Variants in TNFSF4 observed in about 807,000 individuals in gnomAD.
TNFSF4 encodes TNF superfamily member 4.
Under a neutral mutation model 7.3 loss-of-function variants are expected in TNFSF4, and 4 were observed. The observed-to-expected ratio is 0.55, with a 90% CI of 0.27 to 1.25. The LOEUF (loss-of-function observed/expected upper bound fraction) is 1.25, where lower values mean the gene tolerates loss of function less well. Ranked by LOEUF, TNFSF4 falls within the 50% of genes most tolerant of loss-of-function variation. The probability of loss-of-function intolerance (pLI) is 0.12; values close to 1 mark genes in which losing one functional copy is unlikely to be tolerated. For synonymous variants in TNFSF4, 76 were observed against 83.7 expected, an observed-to-expected ratio of 0.91 and a Z score of 0.50; for missense variants, 181 against 208.8, an observed-to-expected ratio of 0.87 and a Z score of 0.82.
the TNFSF4 span, among the ~76,000 whole-genome samples, chr1:173,283,519 A>G: frequency 6.6e-6 from 1 of 152,174 alleles, no homozygotes; most frequent in Non-Finnish European, 1.5e-5. Context: ...AAACAACTGG[A>G]AATCCTCTCT....
chr1:173,421,226 A>G, the TNFSF4 span, among the ~76,000 whole-genome samples: 6 of 152,238 alleles, frequency 3.9e-5, no homozygotes, highest in Non-Finnish European at 7.3e-5. Context: ...TAGTTATTGC[A>G]TGGGACATAA....
At chr1:173,175,504 T>C in the TNFSF4 span, 151 of 152,358 alleles carry the variant, frequency 9.9e-4, no homozygotes, top group African/African-American at 3.5e-3. Context: ...GATTTTTTTC[T>C]CTATGCCTAC....
At chr1:173,196,228 G>A (rs1001575472) in intron 1 of TNFSF4, among the ~76,000 whole-genome samples, 11 of 152,150 alleles carry the variant, frequency 7.2e-5, no homozygotes, top group African/African-American at 2.4e-4. Context: ...TGATTCTTTG[G>A]TGAAGGAGTT....
At chr1:173,179,133 G>T (rs1169056051), downstream of TNFSF4, among the ~76,000 whole-genome samples, 1 of 152,130 alleles carries the variant, frequency 6.6e-6, no homozygotes, top group Non-Finnish European at 1.5e-5. Context: ...AATAAATTTT[G>T]TTGTTTTAAG....
the TNFSF4 span, among the ~76,000 whole-genome samples, chr1:173,371,674 G>A: frequency 7.8e-4 from 119 of 152,292 alleles, 2 homozygotes; most frequent in East Asian, 0.018. Context: ...GGTTAGGGGA[G>A]ACTAGTGCAA....
the TNFSF4 span, among the ~76,000 whole-genome samples, chr1:173,234,957 A>C: frequency 1.3e-5 from 2 of 152,172 alleles, no homozygotes; most frequent in African/African-American, 4.8e-5. Flanking sequence ...ATAATAATTT[A>C]AAAAAAGAAA....
chr1:173,305,599 C>T, the TNFSF4 span, among the ~76,000 whole-genome samples: 5 of 151,832 alleles, frequency 3.3e-5, no homozygotes, highest in African/African-American at 4.8e-5. Context: ...CCACTGCCTC[C>T]CCCACTTAAA....
At chr1:173,300,160 G>GATACATACATACATAC in the TNFSF4 span, among the ~76,000 whole-genome samples, 17 of 146,908 alleles carry the variant, frequency 1.2e-4, no homozygotes, top group South Asian at 2.2e-4. Context: ...ATGATTGATA[G>GATACATACATACATAC]ATACATACAT....
At chr1:173,308,087 C>T in the TNFSF4 span, among the ~76,000 whole-genome samples, 31 of 151,980 alleles carry the variant, frequency 2.0e-4, no homozygotes, top group Middle Eastern at 3.4e-3. Flanking sequence ...ATTTTTTATA[C>T]AAATTCTTTA....
the TNFSF4 span, among the ~76,000 whole-genome samples, chr1:173,443,392 C>T: frequency 6.6e-6 from 1 of 152,112 alleles, no homozygotes; most frequent in East Asian, 1.9e-4. Context: ...TACATGCATA[C>T]AATGATTACA....
At chr1:173,362,495 G>A in the TNFSF4 span, 3 of 541,866 alleles carry the variant, frequency 5.5e-6, no homozygotes, top group Non-Finnish European at 7.4e-6. Context: ...AGCTGGGCTT[G>A]GTATTTTCAA....
the TNFSF4 span, among the ~76,000 whole-genome samples, chr1:173,360,352 C>T: frequency 4.6e-5 from 7 of 152,220 alleles, no homozygotes; most frequent in Non-Finnish European, 8.8e-5. Flanking sequence ...CAAGTCACTG[C>T]TGACTGTGGC....
At chr1:173,258,354 T>C in the TNFSF4 span, among the ~76,000 whole-genome samples, 1 of 151,732 alleles carries the variant, frequency 6.6e-6, no homozygotes, top group South Asian at 2.1e-4. Flanking sequence ...GGTGGAAAAA[T>C]GGCCCACCCG....
At chr1:173,430,172 AATCT>A in the TNFSF4 span, among the ~76,000 whole-genome samples, 2 of 152,192 alleles carry the variant, frequency 1.3e-5, no homozygotes, top group African/African-American at 4.8e-5. Flanking sequence ...GGTTGCAGGG[AATCT>A]AATATCCAGG....
chr1:173,444,185 C>T, the TNFSF4 span, among the ~76,000 whole-genome samples: 1 of 152,110 alleles, frequency 6.6e-6, no homozygotes, highest in Admixed American at 6.6e-5. Context: ...CCCACTCCAC[C>T]CGACCCCTTT....
chr1:173,416,608 T>TTTTATTTTTTTATTTATTTA, the TNFSF4 span, among the ~76,000 whole-genome samples: 1 of 121,942 alleles, frequency 8.2e-6, no homozygotes, highest in African/African-American at 3.1e-5. Context: ...ATTTTTTTAT[T>TTTTATTTTTTTATTTATTTA]TTTATTTATT....
At chr1:173,243,662 C>A in the TNFSF4 span, among the ~76,000 whole-genome samples, 1 of 152,230 alleles carries the variant, frequency 6.6e-6, no homozygotes, top group Non-Finnish European at 1.5e-5. Flanking sequence ...TATATCATCA[C>A]CCCCTGCCAT....
intron 1 of TNFSF4, among the ~76,000 whole-genome samples, chr1:173,193,919 C>G (rs992100018): frequency 1.2e-4 from 19 of 152,154 alleles, no homozygotes; most frequent in Non-Finnish European, 2.1e-4. Context: ...TTCTTAAACT[C>G]TAAATGTGCA....
At chr1:173,308,528 TG>T in the TNFSF4 span, among the ~76,000 whole-genome samples, 3 of 151,976 alleles carry the variant, frequency 2.0e-5, no homozygotes, top group African/African-American at 7.2e-5. Context: ...TCCTATTTTT[TG>T]TTTCTGAATG....
Sources: allele counts gnomAD v4.1 joint callset (sites outside exome capture counted in the v4.1 genomes callset), GRCh38; gene constraint gnomAD v4.1.1; transcripts MANE v1.5; gene names NCBI Gene and HGNC (gene_info 2026-07-23, HGNC 2026-07-21).